Variants in MLIP observed in about 807,000 individuals in gnomAD.
MLIP encodes muscular LMNA interacting protein, also known as muscular LMNA-interacting protein.
Under a neutral mutation model 84.8 loss-of-function variants are expected in MLIP, and 79 were observed. The observed-to-expected ratio is 0.93, with a 90% CI of 0.78 to 1.12. The LOEUF is 1.12. Ranked by LOEUF, MLIP falls within the 50% of genes most tolerant of loss-of-function variation. MLIP has a pLI of 0.00. For synonymous variants in MLIP, 504 were observed against 463.0 expected (o/e 1.09, Z -1.14); for missense variants, 1,257 against 1,160.6 (o/e 1.08, Z -1.21).
chr6:54,140,305 A>G (rs1196388916), intron 4 of MLIP, among the ~76,000 whole-genome samples: 5 of 152,118 alleles, frequency 3.3e-5, no homozygotes, highest in African/African-American at 1.2e-4. Flanking sequence ...GTGAGCCCCA[A>G]AGGGCTTTTG....
intron 1 of MLIP, chr6:54,046,267 T>C (rs945294484): frequency 3.2e-5 from 4 of 126,012 alleles, no homozygotes; most frequent in Admixed American, 1.6e-4. Context: ...GGGATGGACA[T>C]TACTTTTTTT....
chr6:54,127,030 T>C (rs552352616), intron 3 of MLIP, among the ~76,000 whole-genome samples: 108 of 152,240 alleles, frequency 7.1e-4, no homozygotes, highest in African/African-American at 2.6e-3. Context: ...ACTTCATACC[T>C]TCCCATCTCT....
intron 12 of MLIP, among the ~76,000 whole-genome samples, chr6:54,242,629 C>T (rs1781813160): frequency 6.6e-6 from 1 of 151,964 alleles, no homozygotes; most frequent in East Asian, 1.9e-4. Context: ...TCTAACCTTC[C>T]CCTACTGCTT....
chr6:54,083,683 T>C, intron 1 of MLIP: 2 of 1,477,496 alleles, frequency 1.4e-6, no homozygotes, highest in South Asian at 1.2e-5. Flanking sequence ...TTAACATCAA[T>C]GATAGCTGTG....
chr6:54,180,819 T>A (rs1374479541), intron 9 of MLIP, among the ~76,000 whole-genome samples: 2 of 152,240 alleles, frequency 1.3e-5, no homozygotes, highest in African/African-American at 4.8e-5. Context: ...CACATATCCC[T>A]GTTCTTCCAT....
At chr6:54,090,278 T>G (rs914797445) in intron 1 of MLIP, among the ~76,000 whole-genome samples, 7 of 152,132 alleles carry the variant, frequency 4.6e-5, no homozygotes, top group Non-Finnish European at 1.5e-5. Context: ...CAGACAGCTG[T>G]ATGGAGTCCA....
chr6:54,108,595 T>C (rs1485191791), upstream of MLIP, among the ~76,000 whole-genome samples: 2 of 152,134 alleles, frequency 1.3e-5, no homozygotes, highest in African/African-American at 4.8e-5. Flanking sequence ...TTATAAGAAA[T>C]AGTCTATAAC....
chr6:54,083,518 C>CT (rs977399044), intron 1 of MLIP: 138 of 1,535,570 alleles, frequency 9.0e-5, no homozygotes, highest in Non-Finnish European at 1.2e-4. Context: ...TTGGCTGACA[C>CT]TGACCTTGCC....
At chr6:54,124,406 T>C in intron 2 of MLIP, 67 bp from the exon 3 acceptor site, 2 of 1,439,152 alleles carry the variant, frequency 1.4e-6, no homozygotes, top group South Asian at 1.4e-5. Context: ...CTTTTCAGTG[T>C]ACATGCCAAA....
chr6:54,214,419 C>T (rs1779706081), intron 11 of MLIP, among the ~76,000 whole-genome samples: 1 of 152,180 alleles, frequency 6.6e-6, no homozygotes, highest in Non-Finnish European at 1.5e-5. Context: ...TCTTCACCAC[C>T]ACTACTTTCA....
At chr6:54,222,474 C>A (rs1328197474) in intron 11 of MLIP, among the ~76,000 whole-genome samples, 1 of 152,002 alleles carries the variant, frequency 6.6e-6, no homozygotes, top group Admixed American at 6.6e-5. Context: ...CACTATTTGT[C>A]TTTCTGTGTC....
chr6:54,103,628 T>C (rs1582147557), intron 1 of MLIP, among the ~76,000 whole-genome samples: 1 of 152,184 alleles, frequency 6.6e-6, no homozygotes, highest in East Asian at 1.9e-4. Context: ...CAATCACGGT[T>C]AGGTAGCCCA....
chr6:54,059,137 T>C (rs1765821632), intron 1 of MLIP, among the ~76,000 whole-genome samples: 1 of 152,156 alleles, frequency 6.6e-6, no homozygotes, highest in Admixed American at 6.5e-5. Flanking sequence ...GAGACTTGTC[T>C]AAGGGCCTAC....
chr6:54,082,758 AT>A (rs5876354), intron 1 of MLIP, among the ~76,000 whole-genome samples: 112,927 of 151,058 alleles, frequency 0.75, 42,679 homozygotes, highest in East Asian at 0.89. Context: ...AATATCTTTC[AT>A]TTTTTTTTTG....
At chr6:54,109,410 T>G (rs1417702051), upstream of MLIP, among the ~76,000 whole-genome samples, 1 of 152,084 alleles carries the variant, frequency 6.6e-6, no homozygotes, top group Non-Finnish European at 1.5e-5. Context: ...GCTATTCTCA[T>G]CCACATTTCA....
intron 9 of MLIP, among the ~76,000 whole-genome samples, chr6:54,183,797 T>G (rs1300381929): frequency 7.2e-6 from 1 of 139,190 alleles, no homozygotes; most frequent in African/African-American, 2.7e-5. Flanking sequence ...CAGGCTGGAG[T>G]GCAGTGGCGC....
intron 1 of MLIP, among the ~76,000 whole-genome samples, chr6:54,038,757 G>A (rs528989126): frequency 3.6e-4 from 54 of 151,822 alleles, no homozygotes; most frequent in African/African-American, 1.2e-3. Flanking sequence ...TAATTTCTTA[G>A]CATGTATTAT....
intron 1 of MLIP, among the ~76,000 whole-genome samples, chr6:54,068,664 A>C (rs1766332896): frequency 2.0e-5 from 2 of 101,332 alleles, no homozygotes; most frequent in African/African-American, 5.1e-5. Context: ...TCTGTCAGAC[A>C]CTTTAAACAA....
At chr6:54,181,059 T>C (rs1456697375) in intron 9 of MLIP, among the ~76,000 whole-genome samples, 1 of 152,202 alleles carries the variant, frequency 6.6e-6, no homozygotes, top group Non-Finnish European at 1.5e-5. Context: ...TGTACTGAGC[T>C]GCCTGGAACT....
Sources: gnomAD v4.1 joint callset for allele counts (sites outside exome capture counted in the v4.1 genomes callset) on GRCh38, gnomAD v4.1.1 for gene constraint, MANE v1.5 for transcripts, NCBI Gene and HGNC (gene_info 2026-07-23, HGNC 2026-07-21) for gene names.